SOS1: variants seen among roughly 807,000 people sequenced by gnomAD.
The protein encoded by SOS1 is SOS Ras/Rac guanine nucleotide exchange factor 1.
In SOS1, 25 loss-of-function variants were observed where a neutral mutation model predicts 157.6. That is an observed-to-expected ratio of 0.16 (90% CI 0.12 to 0.22). The LOEUF is 0.22. Among genes scored for constraint, SOS1 ranks in the 10% least tolerant of loss-of-function variants. The pLI is 1.00. For synonymous variants in SOS1, 528 were observed against 534.0 expected, an observed-to-expected ratio of 0.99 and a Z score of 0.16; for missense variants, 1,237 against 1,599.1, an observed-to-expected ratio of 0.77 and a Z score of 3.86.
intron 1 of SOS1, among the ~76,000 whole-genome samples, chr2:39,116,434 A>G (rs1158103318): frequency 6.6e-6 from 1 of 152,174 alleles, no homozygotes; most frequent in African/African-American, 2.4e-5. Context: ...CCTTAGTTCA[A>G]ATGTGTATTA....
intron 4 of SOS1, among the ~76,000 whole-genome samples, chr2:39,055,535 G>A (rs149438995): frequency 4.6e-5 from 7 of 152,028 alleles, no homozygotes; most frequent in Admixed American, 2.6e-4. Flanking sequence ...TTTCGTATTC[G>A]TGTCTTCAGT....
intron 5 of SOS1, among the ~76,000 whole-genome samples, chr2:39,053,996 C>G (rs1405097543): frequency 6.6e-6 from 1 of 151,682 alleles, no homozygotes; most frequent in African/African-American, 2.4e-5. Context: ...GGCGCGATCT[C>G]GGCTCACTGC....
intron 6 of SOS1, among the ~76,000 whole-genome samples, chr2:39,042,632 T>G (rs1670611531): frequency 6.6e-6 from 1 of 151,652 alleles, no homozygotes; most frequent in Admixed American, 6.6e-5. Flanking sequence ...CTCAAACTCC[T>G]GACCTTGTGA....
At chr2:39,014,461 C>T (rs1669568097) in intron 11 of SOS1, among the ~76,000 whole-genome samples, 1 of 152,064 alleles carries the variant, frequency 6.6e-6, no homozygotes, top group African/African-American at 2.4e-5. Context: ...TGAAAACTTA[C>T]TTAGAACATC....
intron 1 of SOS1, among the ~76,000 whole-genome samples, 168 bp from the exon 2 acceptor site, chr2:39,067,921 C>T (rs1057072545): frequency 6.6e-6 from 1 of 152,148 alleles, no homozygotes; most frequent in African/African-American, 2.4e-5. Context: ...GAGTTTGAGA[C>T]CACCCTGGCC....
Position 38,982,525 on chromosome 2 carries a change from A to G in SOS1, c.*3299T>C, listed in dbSNP as rs1455012909. ...AGATTAATGCAATACAACAGGACCTATACTTGCGTAGTCACACAATATATG... is the reference window on the plus strand; with the variant it reads ...AGATTAATGCAATACAACAGGACCTGTACTTGCGTAGTCACACAATATATG... On this transcript the variant is annotated 3_prime_UTR_variant, in exon 23 of 23. Transcript: ENST00000402219. 6.6e-6 allele frequency: 1 copy of G among 152,200 alleles called. No individual in the cohort carries two copies. Among genetic ancestry groups the G allele is most frequent in the East Asian group, 1.9e-4 (1 of 5,206 alleles). 9.4% of individuals were successfully genotyped at this position (152,200 alleles called of 1,614,324 possible). A position where few individuals can be genotyped will look rare whatever the true frequency, so the allele number is the denominator to read the frequency against.
At chr2:39,033,418 A>AT (rs1268968214) in intron 8 of SOS1, among the ~76,000 whole-genome samples, 1 of 152,212 alleles carries the variant, frequency 6.6e-6, no homozygotes, top group Non-Finnish European at 1.5e-5. Flanking sequence ...AATTTTAGAA[A>AT]TTTTAATTGC....
intron 6 of SOS1, among the ~76,000 whole-genome samples, chr2:39,042,311 G>A (rs908688089): frequency 6.6e-6 from 1 of 151,994 alleles, no homozygotes; most frequent in Non-Finnish European, 1.5e-5. Flanking sequence ...GGGACAACTG[G>A]TATCATTACA....
chr2:39,113,439 C>T (rs1217933386), intron 1 of SOS1, among the ~76,000 whole-genome samples: 1 of 151,416 alleles, frequency 6.6e-6, no homozygotes, highest in Non-Finnish European at 1.5e-5. Flanking sequence ...GCCTTGGCCT[C>T]CCAAAGTGTT....
intron 6 of SOS1, among the ~76,000 whole-genome samples, chr2:39,043,341 A>C (rs1670639740): frequency 6.6e-6 from 1 of 152,236 alleles, no homozygotes; most frequent in African/African-American, 2.4e-5. Flanking sequence ...ATTGTATCAT[A>C]AACTGATTTT....
At chr2:39,104,299 A>T (rs900563755) in intron 1 of SOS1, among the ~76,000 whole-genome samples, 2 of 152,280 alleles carry the variant, frequency 1.3e-5, no homozygotes, top group East Asian at 3.9e-4. Context: ...ATAAATAAAT[A>T]ACTAATTTAA....
At chr2:39,045,536 T>C (rs1415754962) in intron 6 of SOS1, among the ~76,000 whole-genome samples, 2 of 152,172 alleles carry the variant, frequency 1.3e-5, no homozygotes, top group Non-Finnish European at 2.9e-5. Flanking sequence ...GTTTCTCTTT[T>C]TTCCTCCTCA....
At chr2:39,118,668 T>A (rs1219623366) in intron 1 of SOS1, among the ~76,000 whole-genome samples, 8 of 152,228 alleles carry the variant, frequency 5.3e-5, no homozygotes, top group Non-Finnish European at 1.2e-4. Flanking sequence ...GTTTAGTGCC[T>A]CGCTTGAATA....
chr2:39,038,468 G>A (rs1670434447), intron 6 of SOS1, among the ~76,000 whole-genome samples: 1 of 151,920 alleles, frequency 6.6e-6, no homozygotes, highest in African/African-American at 2.4e-5. Context: ...GGGCGCGGTG[G>A]CTCACGCCTG....
rs1335173820 is a variant in SOS1, at chr2:39,108,419, GC to G, written c.87+11916del. Among the ~76,000 whole-genome samples, 3 of 152,236 alleles carry G rather than the reference GC, an allele frequency of 2.0e-5. No individual in the cohort carries two copies. The East Asian group carries it at 5.8e-4, about 29-fold the overall frequency. ...GCAATAATTTGATTCACACGATCTGGCCCCCACTCCAGACTTCAGCTACTCA... is the reference window on the plus strand; with the variant it reads ...GCAATAATTTGATTCACACGATCTGGCCCCACTCCAGACTTCAGCTACTCA... On this transcript the variant is annotated intron_variant, in intron 1 of 22. Coordinates refer to ENST00000402219, the MANE Select transcript of SOS1 (RefSeq NM_005633.4).
At chr2:39,063,869 C>G (rs1424649412) in intron 2 of SOS1, among the ~76,000 whole-genome samples, 3 of 151,660 alleles carry the variant, frequency 2.0e-5, no homozygotes, top group Non-Finnish European at 4.4e-5. Context: ...GAGACAGGGT[C>G]TCACTCTGTC....
intron 17 of SOS1, among the ~76,000 whole-genome samples, chr2:38,999,004 G>A (rs985484723): frequency 6.6e-6 from 1 of 152,182 alleles, no homozygotes; most frequent in African/African-American, 2.4e-5. Flanking sequence ...TACATACTAG[G>A]AGGTGCTATA....
chr2:39,114,728 CTGGGA>C (rs1395848604), intron 1 of SOS1, among the ~76,000 whole-genome samples: 8 of 152,136 alleles, frequency 5.3e-5, no homozygotes, highest in Non-Finnish European at 1.0e-4. Context: ...TCCCGAGTAG[CTGGGA>C]TTACAGGCGT....
chr2:39,002,443 G>C (rs962309561), intron 17 of SOS1, among the ~76,000 whole-genome samples: 1 of 152,208 alleles, frequency 6.6e-6, no homozygotes, highest in Non-Finnish European at 1.5e-5. Context: ...AGGAGCAGGG[G>C]CCAAATAGTG....
Sources: allele counts gnomAD v4.1 joint callset (sites outside exome capture counted in the v4.1 genomes callset), GRCh38; gene constraint gnomAD v4.1.1; transcripts MANE v1.5; gene names NCBI Gene and HGNC (gene_info 2026-07-23, HGNC 2026-07-21).